The following COL24A1 variants were observed in gnomAD, a reference collection of about 807,000 sequenced individuals.
COL24A1 encodes collagen alpha-1(XXIV) chain.
In COL24A1, 224 loss-of-function variants were observed where a neutral mutation model predicts 253.9. The ratio of observed to expected loss-of-function variants is 0.88; its 90% CI spans 0.79 to 0.99. COL24A1 has a LOEUF of 0.99. Among genes scored for constraint, COL24A1 ranks in the 50% least tolerant of loss-of-function variants. The probability of loss-of-function intolerance (pLI) is 0.00; values close to 1 mark genes in which losing one functional copy is unlikely to be tolerated. For synonymous variants in COL24A1, 685 were observed against 673.7 expected, an observed-to-expected ratio of 1.02 and a Z score of -0.26; for missense variants, 2,131 against 2,068.5, an observed-to-expected ratio of 1.03 and a Z score of -0.59.
chr1:85,826,187 T>A (rs2102023665), intron 43 of COL24A1, among the ~76,000 whole-genome samples: 1 of 140,336 alleles, frequency 7.1e-6, no homozygotes. Flanking sequence ...AGGGAATCCT[T>A]TCCCCATTGC....
chr1:85,744,024 C>A (rs1312504167), intron 57 of COL24A1, among the ~76,000 whole-genome samples: 2 of 152,148 alleles, frequency 1.3e-5, no homozygotes, highest in South Asian at 2.1e-4. Flanking sequence ...TCAAATCATA[C>A]ATTTTTTTTT....
intron 18 of COL24A1, among the ~76,000 whole-genome samples, 180 bp from the exon 19 acceptor site, chr1:86,017,384 T>A (rs192912252): frequency 2.4e-4 from 36 of 152,346 alleles, no homozygotes; most frequent in African/African-American, 8.7e-4. Flanking sequence ...TTAAATAAGA[T>A]GTTTATGGGT....
intron 24 of COL24A1, among the ~76,000 whole-genome samples, chr1:85,935,070 T>C (rs549554809): frequency 1.3e-5 from 2 of 152,242 alleles, no homozygotes; most frequent in Middle Eastern, 3.4e-3. Context: ...AAATGGTCTA[T>C]AAAAACTTTA....
chr1:86,027,516 T>C (rs1698147824), intron 14 of COL24A1, among the ~76,000 whole-genome samples: 1 of 152,206 alleles, frequency 6.6e-6, no homozygotes, highest in South Asian at 2.1e-4. Flanking sequence ...GCCCCAAGCC[T>C]TGGCTACTTA....
At chr1:86,057,874 A>G in intron 10 of COL24A1, 57 bp downstream of exon 10, 5 of 1,475,232 alleles carry the variant, frequency 3.4e-6, no homozygotes, top group Non-Finnish European at 4.7e-6. Context: ...TGTTTTATAT[A>G]TTTCATTCTA....
rs1690982684 is a variant in COL24A1, at chr1:85,960,903, A to AAATAAATAAATAAATAAATAAATAAAT, written c.2562+345_2562+346insATTTATTTATTTATTTATTTATTTATT. On this transcript the variant is annotated intron_variant, in intron 24 of 59. Coordinates refer to ENST00000370571, the MANE Select transcript of COL24A1 (RefSeq NM_152890.7). ...CATCTCAATAAATAAATAAATAAAT[A>AAATAAATAAATAAATAAATAAATAAAT]AATAAATAAATAAATAAATAAATAA... 3 of 173,730 alleles carry AAATAAATAAATAAATAAATAAATAAAT rather than the reference A, an allele frequency of 1.7e-5. No individual in the cohort carries two copies. In the Admixed American group the frequency reaches 1.9e-4, roughly 11 times the overall value. The allele number at this position is 173,730 out of a possible 1,614,324, so 10.8% of individuals were successfully genotyped here.
intron 47 of COL24A1, among the ~76,000 whole-genome samples, chr1:85,787,993 C>CT (rs201324467): frequency 0.015 from 2,284 of 150,954 alleles, 27 homozygotes; most frequent in Non-Finnish European, 0.024. Flanking sequence ...TGATGCTGAG[C>CT]TTTTTTTTGA....
chr1:86,079,146 A>C (rs1702454418), intron 7 of COL24A1, among the ~76,000 whole-genome samples: 1 of 152,142 alleles, frequency 6.6e-6, no homozygotes, highest in Admixed American at 6.5e-5. Context: ...CCAGAAATAA[A>C]TCCACACACC....
At chr1:85,825,431 A>C (rs1192545384) in intron 43 of COL24A1, among the ~76,000 whole-genome samples, 1 of 152,194 alleles carries the variant, frequency 6.6e-6, no homozygotes, top group Non-Finnish European at 1.5e-5. Context: ...TCCTTTGGTT[A>C]TATACCCAGT....
intron 47 of COL24A1, among the ~76,000 whole-genome samples, chr1:85,787,665 A>G (rs557045039): frequency 2.0e-5 from 3 of 152,312 alleles, no homozygotes; most frequent in South Asian, 2.1e-4. Context: ...TGGTGCTGCA[A>G]TGAACATACG....
chr1:86,112,486 A>AT lies in COL24A1; in HGVS notation c.1599+80_1599+81insA. ...CCTTGATGTATCAAGACTTGCCTTA[A>AT]ATGTTAGGGATCTTCTTTTTAATAT... On this transcript the variant is annotated intron_variant, in intron 5 of 59. Coordinates refer to ENST00000370571, the MANE Select transcript of COL24A1 (RefSeq NM_152890.7). The AT allele has an allele frequency of 2.4e-6, 3 of 1,253,802 alleles. No individual in the cohort carries two copies. The East Asian group carries it at 7.1e-5, about 30-fold the overall frequency. The allele number at this position is 1,253,802 out of a possible 1,614,324, so 77.7% of individuals were successfully genotyped here.
Position 85,936,611 on chromosome 1 carries a change from C to A in COL24A1, c.2562+24638G>T, listed in dbSNP as rs1220052445. Among the ~76,000 whole-genome samples, 3 of 147,306 alleles carry A rather than the reference C, an allele frequency of 2.0e-5. 1 individual carries two copies. The highest frequency in any genetic ancestry group is 4.5e-5 in the Non-Finnish European group (3 of 66,644). On this transcript the variant is annotated intron_variant, in intron 24 of 59. Coordinates refer to ENST00000370571, the MANE Select transcript of COL24A1 (RefSeq NM_152890.7). ...ACTTTCCAAGATAGAGGAATTAACA[C>A]TCTGGCAAGGACCCCAGGAGGTTGC...
chr1:86,013,673 T>A (rs983506190), intron 19 of COL24A1, among the ~76,000 whole-genome samples: 2 of 152,008 alleles, frequency 1.3e-5, no homozygotes, highest in African/African-American at 4.8e-5. Flanking sequence ...CCGTCTCTAC[T>A]AAAAATACAA....
At chr1:85,855,677 T>A (rs983271450) in intron 37 of COL24A1, among the ~76,000 whole-genome samples, 1 of 152,122 alleles carries the variant, frequency 6.6e-6, no homozygotes, top group Non-Finnish European at 1.5e-5. Flanking sequence ...GTCTTCTTTT[T>A]TTGTTGTTGT....
At chr1:85,978,420 C>T (rs148128603) in intron 20 of COL24A1, among the ~76,000 whole-genome samples, 3 of 152,062 alleles carry the variant, frequency 2.0e-5, no homozygotes, top group African/African-American at 7.2e-5. Flanking sequence ...AAATGCTCCA[C>T]TTATGGCAGA....
chr1:86,107,028 C>T (rs187728859), intron 5 of COL24A1, among the ~76,000 whole-genome samples: 12 of 152,260 alleles, frequency 7.9e-5, no homozygotes, highest in Admixed American at 4.6e-4. Context: ...TAACCTGGAA[C>T]CTTGGAATAT....
intron 25 of COL24A1, among the ~76,000 whole-genome samples, chr1:85,910,319 GCTTA>G (rs1261325581): frequency 6.6e-6 from 1 of 151,836 alleles, no homozygotes; most frequent in Non-Finnish European, 1.5e-5. Flanking sequence ...TGTAAGAAAT[GCTTA>G]CTATTTTATG....
rs553623393 is a variant in COL24A1 at position 85,803,885 on chromosome 1, T to C, written c.3951+12903A>G. Among the ~76,000 whole-genome samples the C allele has an allele frequency of 2.2e-3, 336 of 152,294 alleles. 1 individual carries two copies. The highest frequency in any genetic ancestry group is 3.4e-3 in the Middle Eastern group (1 of 294). ...CCTCATTGAATTGGCTACAACCTCA[T>C]TGAATTGACTAGAATTTCCAGTACA... On this transcript the variant is annotated intron_variant, in intron 47 of 59. Coordinates refer to ENST00000370571, the MANE Select transcript of COL24A1 (RefSeq NM_152890.7).
intron 12 of COL24A1, among the ~76,000 whole-genome samples, chr1:86,045,384 T>C (rs1699818970): frequency 6.6e-6 from 1 of 152,248 alleles, no homozygotes; most frequent in Non-Finnish European, 1.5e-5. Context: ...GGTCCTTTTA[T>C]TAATAGCATA....
Sources: allele counts gnomAD v4.1 joint callset (sites outside exome capture counted in the v4.1 genomes callset), GRCh38; gene constraint gnomAD v4.1.1; transcripts MANE v1.5; gene names NCBI Gene and HGNC (gene_info 2026-07-23, HGNC 2026-07-21).